Variants in FAM193A observed in about 807,000 individuals in gnomAD.
FAM193A encodes the protein protein FAM193A.
In FAM193A, 22 loss-of-function variants were observed where a neutral mutation model predicts 126.5. The observed-to-expected ratio is 0.17, with a 90% CI of 0.12 to 0.25. The LOEUF (loss-of-function observed/expected upper bound fraction) is 0.25, where lower values mean the gene tolerates loss of function less well. Ranked by LOEUF, FAM193A falls within the 10% of genes least tolerant of loss-of-function variation. FAM193A has a pLI of 1.00. For missense variants in FAM193A, 1,675 were observed against 1,672.8 expected, an observed-to-expected ratio of 1.00 and a Z score of -0.02; for synonymous variants, 761 against 646.8, an observed-to-expected ratio of 1.18 and a Z score of -2.68.
chr4:2,628,375 A>G (rs1743190182), intron 4 of FAM193A, among the ~76,000 whole-genome samples: 2 of 152,078 alleles, frequency 1.3e-5, no homozygotes, highest in Admixed American at 6.5e-5. Flanking sequence ...TTTCCAGCCA[A>G]GCGTGGTGGC....
At chr4:2,694,661 G>A (rs1407868409) in intron 16 of FAM193A, among the ~76,000 whole-genome samples, 1 of 152,158 alleles carries the variant, frequency 6.6e-6, no homozygotes, top group Non-Finnish European at 1.5e-5. Flanking sequence ...AGCTGTGGTG[G>A]CAGGGGCAGT....
chr4:2,637,350 AT>A (rs895140699), intron 5 of FAM193A, among the ~76,000 whole-genome samples: 8 of 152,260 alleles, frequency 5.3e-5, no homozygotes, highest in African/African-American at 1.9e-4. Context: ...ATCACTCAAT[AT>A]TTTTTTAAAA....
chr4:2,726,138 A>G (rs1720723659), intron 20 of FAM193A, among the ~76,000 whole-genome samples: 1 of 152,126 alleles, frequency 6.6e-6, no homozygotes. Context: ...CGACCTCGTG[A>G]TCCGCCCATC....
intron 2 of FAM193A, among the ~76,000 whole-genome samples, chr4:2,599,859 C>A (rs541060656): frequency 2.6e-5 from 4 of 152,004 alleles, no homozygotes; most frequent in African/African-American, 9.7e-5. Flanking sequence ...CCTCAGCCTC[C>A]CGAGTAGCTG....
chr4:2,590,438 CT>C (rs138062336), intron 1 of FAM193A, among the ~76,000 whole-genome samples: 24,642 of 111,762 alleles, frequency 0.22, 3,510 homozygotes, highest in Middle Eastern at 0.39. Context: ...GCATTCCAGC[CT>C]GGTGACAGAG....
chr4:2,670,414 C>A (rs1240483172), intron 12 of FAM193A, among the ~76,000 whole-genome samples: 2 of 152,124 alleles, frequency 1.3e-5, no homozygotes, highest in African/African-American at 2.4e-5. Flanking sequence ...TCTGAACTCA[C>A]TCCTGTTAAC....
In FAM193A at chr4:2,700,351, C is replaced by A. The variant is rs1367811428; in HGVS notation, c.4179C>A (p.Val1393=). 6.2e-7 allele frequency: 1 copy of A among 1,613,988 alleles called. No homozygotes were observed. Among genetic ancestry groups the A allele is most frequent in the South Asian group, 1.1e-5 (1 of 91,062 alleles). The stretch of plus-strand genomic sequence containing the variant: ...AGCAGAAAAGAGAGGAGAGAAAAGT[C>A]AACAGTAATAACAATAACAAAAAGC... The part of the protein sequence containing the change: ...ITEQKREERK[V]NSNNNNKKQL... Residue 1393 remains valine (V), a synonymous_variant, in exon 19 of 21, where the codon GTC becomes GTA. Transcript: ENST00000637812.
chr4:2,584,845 A>G (rs1156840219), intron 1 of FAM193A, among the ~76,000 whole-genome samples: 1 of 152,106 alleles, frequency 6.6e-6, no homozygotes, highest in East Asian at 1.9e-4. Flanking sequence ...GAATTGCTTC[A>G]ACCCAGGTGA....
chr4:2,561,685 C>G (rs148796564), intron 1 of FAM193A, among the ~76,000 whole-genome samples: 2 of 151,670 alleles, frequency 1.3e-5, no homozygotes, highest in Non-Finnish European at 2.9e-5. Context: ...TTAGTACAGA[C>G]GGGGTTTCAC....
intron 1 of FAM193A, among the ~76,000 whole-genome samples, chr4:2,566,027 A>C (rs909262974): frequency 2.0e-5 from 3 of 152,012 alleles, no homozygotes; most frequent in Non-Finnish European, 2.9e-5. Context: ...TAAAGGTGAC[A>C]TTTTAACAAT....
At chr4:2,545,563 TG>T (rs1223914941) in intron 1 of FAM193A, among the ~76,000 whole-genome samples, 1 of 152,158 alleles carries the variant, frequency 6.6e-6, no homozygotes, top group Non-Finnish European at 1.5e-5. Context: ...GTCATATGGC[TG>T]GGGGTAGAAT....
In FAM193A at chr4:2,678,343, T is replaced by G. The variant is rs147753993; in HGVS notation, c.2331+5971T>G. Among the ~76,000 whole-genome samples the G allele has an allele frequency of 8.5e-3, 1,280 of 151,228 alleles. 17 individuals are homozygous for G. Among genetic ancestry groups the G allele is most frequent in the African/African-American group, 0.03 (1,233 of 41,132 alleles). ...TCTTTGGTTAATTCCCGTTGGTGTT[T>G]TGTTTTGGTTTTGGTGGTTTTTTTT... is the stretch of plus-strand genomic sequence containing the variant. On this transcript the variant is annotated intron_variant, in intron 13 of 20. Coordinates refer to ENST00000637812, the MANE Select transcript of FAM193A (RefSeq NM_001366318.2).
intron 20 of FAM193A, among the ~76,000 whole-genome samples, chr4:2,728,034 C>G (rs1047551845): frequency 1.3e-5 from 2 of 151,920 alleles, no homozygotes; most frequent in African/African-American, 4.8e-5. Flanking sequence ...CGGGTTCAAG[C>G]GATGCTCCTG....
intron 1 of FAM193A, among the ~76,000 whole-genome samples, chr4:2,578,649 C>G (rs755760714): frequency 6.6e-6 from 1 of 152,068 alleles, no homozygotes; most frequent in African/African-American, 2.4e-5. Context: ...TTTCAACTCT[C>G]CAAAACCTTA....
At chr4:2,642,020 G>A (rs1281112635) in intron 6 of FAM193A, among the ~76,000 whole-genome samples, 2 of 151,410 alleles carry the variant, frequency 1.3e-5, no homozygotes, top group African/African-American at 4.9e-5. Flanking sequence ...GCCAGGTGCA[G>A]TGGCTCATGC....
chr4:2,658,102 T>C (rs1476125104), intron 8 of FAM193A, among the ~76,000 whole-genome samples: 4 of 152,192 alleles, frequency 2.6e-5, no homozygotes, highest in Non-Finnish European at 4.4e-5. Context: ...GAAAAACCCA[T>C]GTGTATTGAG....
At chr4:2,549,828 A>G (rs1405698911) in intron 1 of FAM193A, among the ~76,000 whole-genome samples, 1 of 148,186 alleles carries the variant, frequency 6.7e-6, no homozygotes, top group East Asian at 2.0e-4. Context: ...CCTGAGTTCA[A>G]GTGATTTTTC....
intron 1 of FAM193A, among the ~76,000 whole-genome samples, chr4:2,561,037 A>G (rs1043305488): frequency 1.3e-5 from 2 of 152,188 alleles, no homozygotes; most frequent in Admixed American, 6.6e-5. Flanking sequence ...ATGCCATTGT[A>G]GTTCTCCTCC....
At chr4:2,668,360 C>T (rs979258563) in intron 12 of FAM193A, among the ~76,000 whole-genome samples, 2 of 151,886 alleles carry the variant, frequency 1.3e-5, no homozygotes, top group Admixed American at 6.6e-5. Context: ...ATTACAGATG[C>T]GCACCACCAC....
Sources: allele counts gnomAD v4.1 joint callset (sites outside exome capture counted in the v4.1 genomes callset), GRCh38; gene constraint gnomAD v4.1.1; transcripts MANE v1.5; gene names NCBI Gene and HGNC (gene_info 2026-07-23, HGNC 2026-07-21).